The following CBFA2T3 variants were observed in gnomAD, a reference collection of about 807,000 sequenced individuals.
CBFA2T3 encodes the protein CBFA2/RUNX1 partner transcriptional co-repressor 3.
A neutral mutation model predicts 58.6 loss-of-function variants in CBFA2T3; 31 were observed. The observed-to-expected ratio is 0.53, with a 90% CI of 0.40 to 0.71. The LOEUF is 0.71. Ranked by LOEUF, CBFA2T3 falls within the 30% of genes least tolerant of loss-of-function variation. The pLI is 0.00. For synonymous variants in CBFA2T3, 531 were observed against 421.9 expected (o/e 1.26, Z -3.17); for missense variants, 1,076 against 963.1 (o/e 1.12, Z -1.55).
At chr16:88,906,557 G>C (rs8045905) in intron 1 of CBFA2T3, among the ~76,000 whole-genome samples, 6,460 of 152,348 alleles carry the variant, frequency 0.042, 189 homozygotes, top group African/African-American at 0.081. Flanking sequence ...CAATGGCCCT[G>C]AGGCAACCCC....
At chr16:88,925,997 C>G (rs1008660441) in intron 1 of CBFA2T3, among the ~76,000 whole-genome samples, 1 of 152,224 alleles carries the variant, frequency 6.6e-6, no homozygotes, top group African/African-American at 2.4e-5. Context: ...CTCGAACTGG[C>G]ACCATCTCTT....
At chr16:88,931,172 G>A (rs1971287524) in intron 1 of CBFA2T3, among the ~76,000 whole-genome samples, 1 of 152,048 alleles carries the variant, frequency 6.6e-6, no homozygotes, top group Non-Finnish European at 1.5e-5. Context: ...CACCTTAAAT[G>A]TGAGAGGGGC....
chr16:88,943,646 G>A (rs568181988), intron 1 of CBFA2T3, among the ~76,000 whole-genome samples: 1 of 152,204 alleles, frequency 6.6e-6, no homozygotes, highest in African/African-American at 2.4e-5. Context: ...CTGGCACAGA[G>A]CTGGGCACCG....
chr16:88,905,980 G>A (rs1273837385), intron 1 of CBFA2T3, among the ~76,000 whole-genome samples: 3 of 151,476 alleles, frequency 2.0e-5, no homozygotes, highest in South Asian at 2.1e-4. Flanking sequence ...GAGTCCTGCC[G>A]GCCTGGCTTC....
At chr16:88,933,148 G>A (rs1339078957) in intron 1 of CBFA2T3, among the ~76,000 whole-genome samples, 2 of 152,236 alleles carry the variant, frequency 1.3e-5, no homozygotes, top group Non-Finnish European at 2.9e-5. Flanking sequence ...TTTCCAGACA[G>A]GCTTTGCCCT....
intron 3 of CBFA2T3, among the ~76,000 whole-genome samples, chr16:88,892,727 C>T (rs1969694424): frequency 6.6e-6 from 1 of 152,222 alleles, no homozygotes; most frequent in Non-Finnish European, 1.5e-5. Context: ...AGAGGTCACA[C>T]ACACCCCCTT....
intron 1 of CBFA2T3, chr16:88,941,006 G>A (rs1971704856): frequency 6.1e-6 from 6 of 977,442 alleles, no homozygotes; most frequent in African/African-American, 3.5e-5. Context: ...GCGCGGGGCG[G>A]ACACGGCACT....
rs979102408 is a variant in CBFA2T3 at position 88,958,704 on chromosome 16, C to T, written c.151+17953G>A. The stretch of plus-strand genomic sequence containing the variant: ...CCCCAGGGCCGGGGGCTGGGGGCCT[C>T]GGTGTGGCCTTTGGAAGGAGATGAA... On this transcript the variant is annotated intron_variant, in intron 1 of 11. Coordinates refer to ENST00000268679, the MANE Select transcript of CBFA2T3 (RefSeq NM_005187.6). The surrounding 1 kb of genome is among the most constrained non-coding windows in gnomAD (Gnocchi z 4.0). 1.3e-5 allele frequency among the ~76,000 whole-genome samples: 2 copies of T among 151,832 alleles called. No individual in the cohort carries two copies. Among genetic ancestry groups the T allele is most frequent in the East Asian group, 1.9e-4 (1 of 5,154 alleles).
At chr16:88,884,823 G>T (rs1296376537) in intron 7 of CBFA2T3, 1 of 466,232 alleles carries the variant, frequency 2.1e-6, no homozygotes, top group Non-Finnish European at 3.8e-6. Context: ...CAGGCCCGAG[G>T]CCGCCCACCC....
In CBFA2T3 at chr16:88,882,661, T is replaced by A. The variant is rs1303312119; in HGVS notation, c.1203+15A>T. On this transcript the variant is annotated intron_variant, in intron 8 of 11. Transcript: ENST00000268679. ...GGGCATGGCTGTGTGGGCGTGGCTG[T>A]GTGTGGACACTCACGTTGTTGAGGT... 1.3e-6 allele frequency: 2 copies of A among 1,544,474 alleles called. No individual in the cohort carries two copies. The highest frequency in any genetic ancestry group is 1.4e-5 in the African/African-American group (1 of 73,684).
intron 1 of CBFA2T3, among the ~76,000 whole-genome samples, chr16:88,934,387 G>T (rs1490349635): frequency 1.3e-5 from 2 of 152,258 alleles, no homozygotes; most frequent in Admixed American, 1.3e-4. Flanking sequence ...GGGCTTCTGG[G>T]CATGAAAAGT....
chr16:88,956,003 C>A (rs987261888), intron 1 of CBFA2T3, among the ~76,000 whole-genome samples: 3 of 152,160 alleles, frequency 2.0e-5, no homozygotes, highest in East Asian at 1.9e-4. Context: ...CCAGCCAAGG[C>A]TCCTGACCCC....
At chr16:88,895,964 G>C (rs1969872327) in intron 3 of CBFA2T3, among the ~76,000 whole-genome samples, 1 of 152,218 alleles carries the variant, frequency 6.6e-6, no homozygotes, top group Non-Finnish European at 1.5e-5. Flanking sequence ...CCAGAGGACA[G>C]CATGGCAGTG....
chr16:88,881,358 CTT>C lies in CBFA2T3; in HGVS notation c.1333_1334del (p.Lys445GlufsTer39). ...ARRYSDAEDT[K>X]KGPAPAAARP... is the part of the protein sequence containing the mutation. ...GGGCCGCGGCGGGAGCGGGGCCCTTCTTTGTGTCCTCGGCGTCGCTGTAGCGC... is the reference window on the plus strand; with the variant it reads ...GGGCCGCGGCGGGAGCGGGGCCCTTCTGTGTCCTCGGCGTCGCTGTAGCGC... On this transcript the variant is annotated frameshift_variant, in exon 9 of 12. Transcript: ENST00000268679. LOFTEE classifies it high-confidence loss of function. The C allele has an allele frequency of 6.3e-7, 1 of 1,586,136 alleles. No individual in the cohort carries two copies. The highest frequency in any genetic ancestry group is 8.6e-7 in the Non-Finnish European group (1 of 1,167,896).
In CBFA2T3 at chr16:88,977,155, G is replaced by A; in HGVS notation, c.-348C>T. 1 of 304,676 alleles carries A rather than the reference G, an allele frequency of 3.3e-6. No homozygotes were observed. The highest frequency in any genetic ancestry group is 2.1e-5 in the African/African-American group (1 of 48,424). The allele number at this position is 304,676 out of a possible 1,614,324, so 18.9% of individuals were successfully genotyped here. On this transcript the variant is annotated 5_prime_UTR_variant, in exon 1 of 12. Coordinates refer to ENST00000268679, the MANE Select transcript of CBFA2T3 (RefSeq NM_005187.6). Reference sequence around the variant, plus strand: ...AGCTGCGCCCGCCACTTCCCTGACAGGAACCATCTGGGGCCCTGCCCTGCG... The same window carrying A: ...AGCTGCGCCCGCCACTTCCCTGACAAGAACCATCTGGGGCCCTGCCCTGCG...
intron 1 of CBFA2T3, among the ~76,000 whole-genome samples, chr16:88,929,459 A>G (rs987446608): frequency 6.6e-6 from 1 of 152,258 alleles, no homozygotes; most frequent in Non-Finnish European, 1.5e-5. Context: ...ACCCAGAGTT[A>G]CCAGGTGAGC....
intron 1 of CBFA2T3, among the ~76,000 whole-genome samples, chr16:88,964,348 C>A (rs1046087244): frequency 1.3e-5 from 2 of 152,280 alleles, no homozygotes; most frequent in African/African-American, 4.8e-5. Context: ...ACGTTGACTT[C>A]TGGCCCTCCT....
At position 88,958,428 on chromosome 16, in the gene CBFA2T3, A is replaced by G. The variant is rs758453344; in HGVS notation, c.151+18229T>C. The stretch of plus-strand genomic sequence containing the variant: ...TATTTGGGGTGGGGGTGTTAGAGTA[A>G]TGCCAGGCGGGGCGGCGGGGGAAGA... On this transcript the variant is annotated intron_variant, in intron 1 of 11. Transcript: ENST00000268679. The surrounding 1 kb of genome is among the most constrained non-coding windows in gnomAD (Gnocchi z 4.0). 6.7e-6 allele frequency among the ~76,000 whole-genome samples: 1 copy of G among 148,170 alleles called. No individual in the cohort carries two copies. The highest frequency in any genetic ancestry group is 1.5e-5 in the Non-Finnish European group (1 of 67,074).
intron 1 of CBFA2T3, among the ~76,000 whole-genome samples, chr16:88,922,053 T>G (rs576487196): frequency 1.8e-4 from 28 of 152,312 alleles, no homozygotes; most frequent in Admixed American, 1.7e-3. Context: ...GGCTCTGATT[T>G]CAGGGCTGGT....
Sources: allele counts gnomAD v4.1 joint callset (sites outside exome capture counted in the v4.1 genomes callset), GRCh38; gene constraint gnomAD v4.1.1; non-coding constraint Gnocchi (gnomAD v3.1); transcripts MANE v1.5; gene names NCBI Gene and HGNC (gene_info 2026-07-23, HGNC 2026-07-21).